CALN1: variants seen among roughly 807,000 people sequenced by gnomAD.
CALN1 encodes the protein calneuron 1, also known as calcium-binding protein 8.
Under a neutral mutation model 30.6 loss-of-function variants are expected in CALN1, and 17 were observed. The observed-to-expected ratio is 0.56, with a 90% confidence interval of 0.38 to 0.83. CALN1 has a LOEUF of 0.83. Ranked by LOEUF, CALN1 falls within the 40% of genes least tolerant of loss-of-function variation. The probability of loss-of-function intolerance (pLI) is 0.00; values close to 1 mark genes in which losing one functional copy is unlikely to be tolerated. For synonymous variants in CALN1, 156 were observed against 131.4 expected (o/e 1.19, Z -1.28); for missense variants, 291 against 354.9 (o/e 0.82, Z 1.45).
intron 4 of CALN1, among the ~76,000 whole-genome samples, chr7:72,099,269 A>G (rs11983124): frequency 0.25 from 30,058 of 117,982 alleles, 3,398 homozygotes; most frequent in Admixed American, 0.35. Flanking sequence ...TGCCCCAAAC[A>G]CTCCTTTTTT....
At chr7:72,117,141 C>T (rs1808042047) in intron 3 of CALN1, among the ~76,000 whole-genome samples, 2 of 152,020 alleles carry the variant, frequency 1.3e-5, no homozygotes, top group South Asian at 2.1e-4. Context: ...AGTGAGACCC[C>T]ATCTCTACAA....
chr7:72,142,258 C>A (rs1184051281), intron 3 of CALN1, among the ~76,000 whole-genome samples: 1 of 152,140 alleles, frequency 6.6e-6, no homozygotes, highest in East Asian at 1.9e-4. Context: ...CCTGGAAAAT[C>A]GGGTCACTCC....
chr7:72,148,940 GGAAGGAAGGAAGGAAA>G, intron 3 of CALN1, among the ~76,000 whole-genome samples: 1 of 141,558 alleles, frequency 7.1e-6, no homozygotes, highest in Non-Finnish European at 1.5e-5. Context: ...AAAAAAAGAA[GGAAGGAAGGAAGGAAA>G]GAAGGAAGGG....
At chr7:71,985,717 G>A (rs1349556969) in intron 5 of CALN1, among the ~76,000 whole-genome samples, 1 of 150,594 alleles carries the variant, frequency 6.6e-6, no homozygotes. Context: ...AGCCTCCTGA[G>A]TAGCTGGGAT....
chr7:72,180,613 T>TC (rs1046117895), intron 3 of CALN1, among the ~76,000 whole-genome samples: 1 of 148,606 alleles, frequency 6.7e-6, no homozygotes, highest in Non-Finnish European at 1.5e-5. Flanking sequence ...TTTTCTTTTT[T>TC]TTTTTTTTTT....
rs900780381 is a variant in CALN1, at chr7:72,148,445, G to GA, written c.245-42152dup. ...AGAAAAAAAAGAAAAAAGAAAAAAA[G>GA]AAAAAAAAATAGCCAGCTCTGGTGC... On this transcript the variant is annotated intron_variant, in intron 3 of 6. Transcript: ENST00000395275. Among the ~76,000 whole-genome samples the GA allele has an allele frequency of 9.4e-5, 14 of 149,466 alleles. 1 individual carries two copies. Among genetic ancestry groups the GA allele is most frequent in the Admixed American group, 3.4e-4 (5 of 14,922 alleles).
intron 2 of CALN1, among the ~76,000 whole-genome samples, chr7:72,390,487 G>A (rs935894349): frequency 2.0e-5 from 3 of 152,086 alleles, no homozygotes; most frequent in African/African-American, 4.8e-5. Context: ...ACAGTGAAAC[G>A]TGGCTGAGAA....
At chr7:72,375,172 G>A (rs1804483691) in intron 2 of CALN1, among the ~76,000 whole-genome samples, 1 of 152,296 alleles carries the variant, frequency 6.6e-6, no homozygotes, top group East Asian at 1.9e-4. Context: ...TAGGGCAAAA[G>A]TCTTGGTGTG....
At chr7:72,267,704 T>A (rs1380276001) in intron 3 of CALN1, among the ~76,000 whole-genome samples, 2 of 152,202 alleles carry the variant, frequency 1.3e-5, no homozygotes, top group African/African-American at 4.8e-5. Context: ...TTTGCAAAAA[T>A]GTAGTTAGTA....
At chr7:72,163,720 A>G (rs10251441) in intron 3 of CALN1, among the ~76,000 whole-genome samples, 38,125 of 152,094 alleles carry the variant, frequency 0.25, 5,999 homozygotes, top group East Asian at 0.68. Flanking sequence ...AGATCAATAG[A>G]AATCATCCAA....
chr7:72,230,341 C>T (rs925656901), intron 3 of CALN1, among the ~76,000 whole-genome samples: 7 of 27,262 alleles, frequency 2.6e-4, no homozygotes, highest in Non-Finnish European at 4.1e-4. Flanking sequence ...ACAATAGATA[C>T]TAAAAAAAAA....
intron 5 of CALN1, among the ~76,000 whole-genome samples, chr7:71,966,083 G>A (rs1227149452): frequency 1.3e-5 from 2 of 152,168 alleles, no homozygotes; most frequent in South Asian, 2.1e-4. Context: ...TTAACCTGAA[G>A]GATATACAGT....
At chr7:72,064,175 A>G (rs1176154708) in intron 4 of CALN1, among the ~76,000 whole-genome samples, 1 of 151,834 alleles carries the variant, frequency 6.6e-6, no homozygotes, top group Non-Finnish European at 1.5e-5. Flanking sequence ...CCAGCTACTC[A>G]GGAGGCTGAG....
At chr7:71,884,853 T>C (rs1460009360) in intron 5 of CALN1, among the ~76,000 whole-genome samples, 1 of 152,172 alleles carries the variant, frequency 6.6e-6, no homozygotes, top group Non-Finnish European at 1.5e-5. Flanking sequence ...ATAATCTCTA[T>C]TAACGTAGCT....
intron 5 of CALN1, among the ~76,000 whole-genome samples, chr7:71,880,211 C>T (rs1354653153): frequency 6.6e-6 from 1 of 152,132 alleles, no homozygotes; most frequent in East Asian, 1.9e-4. Context: ...TTAGTTTGAT[C>T]CTTCAATTGA....
At chr7:71,981,185 AGT>A (rs1476717766) in intron 5 of CALN1, among the ~76,000 whole-genome samples, 1 of 152,114 alleles carries the variant, frequency 6.6e-6, no homozygotes, top group Non-Finnish European at 1.5e-5. Flanking sequence ...TATAATATTT[AGT>A]GTGTTAGATC....
chr7:72,211,051 C>G (rs1163665390), intron 3 of CALN1, among the ~76,000 whole-genome samples: 3 of 152,022 alleles, frequency 2.0e-5, no homozygotes, highest in Non-Finnish European at 4.4e-5. Context: ...AAGACCCTAT[C>G]TCTAAAAAAA....
In CALN1 at chr7:72,387,316, T is replaced by G. The variant is rs1397603547; in HGVS notation, c.119+15935A>C. 1.7e-4 allele frequency among the ~76,000 whole-genome samples: 9 copies of G among 53,046 alleles called. 1 individual carries two copies. Among genetic ancestry groups the G allele is most frequent in the Admixed American group, 5.0e-4 (2 of 4,020 alleles). The allele number at this position is 53,046 out of a possible 152,430, so 34.8% of individuals were successfully genotyped here. A position where few individuals can be genotyped will look rare whatever the true frequency, so the allele number is the denominator to read the frequency against. ...AGGGAGGGAGGGAGGGAGGCAGGCA[T>G]CTCCCATATACAAGAATTCCATAAT... On this transcript the variant is annotated intron_variant, in intron 2 of 6. Coordinates refer to ENST00000395275, the MANE Select transcript of CALN1 (RefSeq NM_031468.4).
the CALN1 span, among the ~76,000 whole-genome samples, chr7:72,499,519 T>C: frequency 1.3e-5 from 2 of 152,146 alleles, no homozygotes; most frequent in Admixed American, 6.6e-5. Context: ...CTTCTGAATG[T>C]TTTAATATAA....
Sources: gnomAD v4.1 joint callset for allele counts (sites outside exome capture counted in the v4.1 genomes callset) on GRCh38, gnomAD v4.1.1 for gene constraint, MANE v1.5 for transcripts, NCBI Gene and HGNC (gene_info 2026-07-23, HGNC 2026-07-21) for gene names.